TDRD10: variants seen among roughly 807,000 people sequenced by gnomAD.
TDRD10 encodes the protein tudor domain-containing protein 10.
TDRD10 carries 40 observed loss-of-function variants against 48.0 expected under a neutral mutation model. The ratio of observed to expected loss-of-function variants is 0.83; its 90% CI spans 0.65 to 1.09. The LOEUF is 1.09. TDRD10 is among the 50% of genes least tolerant of loss of function. The pLI, the probability that TDRD10 is intolerant of heterozygous loss-of-function variation, is 0.00. For missense variants in TDRD10, 378 were observed against 434.7 expected, an observed-to-expected ratio of 0.87 and a Z score of 1.16; for synonymous variants, 162 against 170.4, an observed-to-expected ratio of 0.95 and a Z score of 0.38.
At chr1:154,516,525 C>T (rs932423033) in intron 4 of TDRD10, among the ~76,000 whole-genome samples, 2 of 151,876 alleles carry the variant, frequency 1.3e-5, no homozygotes, top group East Asian at 1.9e-4. Flanking sequence ...AAAGTGTGTG[C>T]GGTAGTTTTT....
chr1:154,539,923 C>G (rs1451336196), intron 6 of TDRD10, among the ~76,000 whole-genome samples: 1 of 152,120 alleles, frequency 6.6e-6, no homozygotes, highest in Non-Finnish European at 1.5e-5. Context: ...GAAGACCAGA[C>G]TAAGAACATT....
Position 154,542,824 on chromosome 1 carries a change from G to A in TDRD10, c.503+3G>A. ...TTTGCAGTCCCGTTGGAAATGAGGT[G>A]AGCAAGGTATAGAAAGACCACCAGG... On this transcript the variant is annotated splice_donor_region_variant and intron_variant, in intron 8 of 12. Coordinates refer to ENST00000368482, the MANE Select transcript of TDRD10 (RefSeq NM_182499.4). 1 of 1,612,982 alleles carries A rather than the reference G, an allele frequency of 6.2e-7. No individual in the cohort carries two copies.
chr1:154,521,963 A>G (rs1041998855), intron 6 of TDRD10, among the ~76,000 whole-genome samples: 5 of 152,200 alleles, frequency 3.3e-5, no homozygotes, highest in African/African-American at 7.2e-5. Context: ...GATAAGGTCC[A>G]TAACTAACCC....
chr1:154,524,647 G>A (rs1050937017), intron 6 of TDRD10, among the ~76,000 whole-genome samples: 8 of 152,170 alleles, frequency 5.3e-5, no homozygotes, highest in African/African-American at 1.9e-4. Flanking sequence ...ATGTTCCATT[G>A]TGAGTCTTTT....
rs1267198041 is a variant in TDRD10, at chr1:154,547,473, C to T, written c.1017C>T (p.Asn339=). The part of the protein sequence containing the change: ...ILKGKITGAL[N]SALHILKFEE... ...AAGGGAAAATCACTGGTGCTTTGAACTCGGCGGTAACTGCTCCTGCATCTA... is the reference window on the plus strand; with the variant it reads ...AAGGGAAAATCACTGGTGCTTTGAATTCGGCGGTAACTGCTCCTGCATCTA... Residue 339 remains asparagine, a synonymous_variant, in exon 12 of 13, where the codon AAC becomes AAT. Coordinates refer to ENST00000368482, the MANE Select transcript of TDRD10 (RefSeq NM_182499.4). 1 of 1,614,224 alleles carries T rather than the reference C, an allele frequency of 6.2e-7. No homozygotes were observed. The highest frequency in any genetic ancestry group is 8.5e-7 in the Non-Finnish European group (1 of 1,180,044).
At chr1:154,520,429 C>T in intron 5 of TDRD10, 55 bp downstream of exon 5, 1 of 1,456,770 alleles carries the variant, frequency 6.9e-7, no homozygotes, top group South Asian at 1.1e-5. Context: ...TCCTCCCTGT[C>T]CATTTTGCTG....
intron 6 of TDRD10, among the ~76,000 whole-genome samples, chr1:154,528,742 G>A (rs576706043): frequency 6.6e-6 from 1 of 151,972 alleles, no homozygotes; most frequent in South Asian, 2.1e-4. Flanking sequence ...CTTGAACCCG[G>A]GAGGCAGAGG....
chr1:154,515,556 G>C (rs574806032), intron 4 of TDRD10, among the ~76,000 whole-genome samples: 3 of 152,240 alleles, frequency 2.0e-5, no homozygotes, highest in African/African-American at 7.2e-5. Flanking sequence ...CCTGCCATAG[G>C]GCCTTGCACC....
intron 6 of TDRD10, among the ~76,000 whole-genome samples, chr1:154,537,067 C>T (rs1406065671): frequency 4.6e-5 from 7 of 152,190 alleles, no homozygotes; most frequent in Non-Finnish European, 1.0e-4. Flanking sequence ...ACCTTAGGGC[C>T]TCTGGACCTA....
At chr1:154,515,908 G>T (rs1055596224) in intron 4 of TDRD10, among the ~76,000 whole-genome samples, 2 of 152,068 alleles carry the variant, frequency 1.3e-5, no homozygotes, top group Admixed American at 6.6e-5. Flanking sequence ...GTAGAGGCGG[G>T]GTTTCACCAT....
At chr1:154,545,074 A>C (rs1570992567) in intron 11 of TDRD10, 125 bp downstream of exon 11, 1 of 1,309,884 alleles carries the variant, frequency 7.6e-7, no homozygotes, top group Non-Finnish European at 1.0e-6. Flanking sequence ...TTTCCACCCA[A>C]CCCCAGTTTT....
intron 7 of TDRD10, 149 bp downstream of exon 7, chr1:154,542,215 ATGCT>A (rs935778087): frequency 1.8e-5 from 14 of 780,026 alleles, no homozygotes; most frequent in African/African-American, 5.3e-5. Flanking sequence ...TTCCTCTAGG[ATGCT>A]TGCTTGCTTG....
At position 154,520,288 on chromosome 1, in the gene TDRD10, A is replaced by T; in HGVS notation, c.142-16A>T. The T allele has an allele frequency of 6.9e-6, 11 of 1,602,560 alleles. No individual in the cohort carries two copies. Among genetic ancestry groups the T allele is most frequent in the Non-Finnish European group, 9.4e-6 (11 of 1,169,558 alleles). ...TATGTCTCTGGGTCTCTCTCTTTTA[A>T]ACCCTGCTGTTGTAGGAGGAAATTC... On this transcript the variant is annotated splice_polypyrimidine_tract_variant and intron_variant, in intron 4 of 12. Coordinates refer to ENST00000368482, the MANE Select transcript of TDRD10 (RefSeq NM_182499.4).
chr1:154,511,081 C>T (rs376919676), intron 4 of TDRD10, among the ~76,000 whole-genome samples: 4 of 151,018 alleles, frequency 2.6e-5, no homozygotes, highest in East Asian at 3.9e-4. Context: ...ATAATATTTA[C>T]ATATCTTAAA....
chr1:154,538,039 G>A (rs760127474), intron 6 of TDRD10, among the ~76,000 whole-genome samples: 6 of 152,188 alleles, frequency 3.9e-5, no homozygotes, highest in Non-Finnish European at 8.8e-5. Flanking sequence ...CTGTGTTTAG[G>A]TGATGTGCCT....
intron 12 of TDRD10, 42 bp downstream of exon 12, chr1:154,547,521 CCTGCCCTTGGGGTGTCTGCAGCAGGCTG>C (rs1484759860): frequency 1.9e-6 from 3 of 1,614,238 alleles, no homozygotes. Context: ...TCCCTCCACT[CCTGCCCTTGGGGTGTCTGCAGCAGGCTG>C]CTGCCTAGGC....
chr1:154,539,434 C>G (rs1557833882), intron 6 of TDRD10, among the ~76,000 whole-genome samples: 1 of 152,166 alleles, frequency 6.6e-6, no homozygotes, highest in East Asian at 1.9e-4. Context: ...TCCCTAGTAG[C>G]TTGGATTACA....
At chr1:154,518,590 G>A (rs995447207) in intron 4 of TDRD10, among the ~76,000 whole-genome samples, 8 of 152,128 alleles carry the variant, frequency 5.3e-5, no homozygotes, top group African/African-American at 1.9e-4. Context: ...ACCACGCCCG[G>A]CTAATTTTTT....
intron 6 of TDRD10, among the ~76,000 whole-genome samples, chr1:154,539,048 C>G (rs1364465201): frequency 6.6e-6 from 1 of 152,154 alleles, no homozygotes; most frequent in Admixed American, 6.5e-5. Context: ...GATGTGAACA[C>G]CAAGTAACTC....
Sources: allele counts gnomAD v4.1 joint callset (sites outside exome capture counted in the v4.1 genomes callset), GRCh38; gene constraint gnomAD v4.1.1; transcripts MANE v1.5; gene names NCBI Gene and HGNC (gene_info 2026-07-23, HGNC 2026-07-21).